The following EYS variants were observed in gnomAD, a reference collection of about 807,000 sequenced individuals.
EYS encodes the protein protein eyes shut homolog.
Under a neutral mutation model 282.1 loss-of-function variants are expected in EYS, and 250 were observed. The ratio of observed to expected loss-of-function variants is 0.89; its 90% CI spans 0.80 to 0.98. The LOEUF (loss-of-function observed/expected upper bound fraction) is 0.98. Among genes scored for constraint, EYS ranks in the 50% least tolerant of loss-of-function variants. The pLI, the probability that EYS is intolerant of heterozygous loss-of-function variation, is 0.00. For synonymous variants in EYS, 1,355 were observed against 1,282.9 expected, an observed-to-expected ratio of 1.06 and a Z score of -1.20; for missense variants, 4,016 against 3,709.0, an observed-to-expected ratio of 1.08 and a Z score of -2.15.
At chr6:64,315,095 C>T (rs1204954403) in intron 29 of EYS, among the ~76,000 whole-genome samples, 2 of 152,052 alleles carry the variant, frequency 1.3e-5, no homozygotes, top group Non-Finnish European at 2.9e-5. Flanking sequence ...AAGGGGATAT[C>T]ACCACCGATT....
intron 22 of EYS, among the ~76,000 whole-genome samples, chr6:64,775,531 A>T (rs983067760): frequency 6.6e-6 from 1 of 152,048 alleles, no homozygotes; most frequent in Non-Finnish European, 1.5e-5. Context: ...AAGATTAAAT[A>T]TAATCTAAGA....
chr6:65,017,231 G>T (rs548750461), intron 13 of EYS, among the ~76,000 whole-genome samples: 1 of 152,188 alleles, frequency 6.6e-6, no homozygotes, highest in South Asian at 2.1e-4. Flanking sequence ...TCTTATAGAT[G>T]CATTTTACAA....
chr6:65,076,836 T>A (rs1774069059), intron 12 of EYS, among the ~76,000 whole-genome samples: 1 of 151,942 alleles, frequency 6.6e-6, no homozygotes, highest in Non-Finnish European at 1.5e-5. Context: ...TAAATATGAA[T>A]AGCATGTATT....
chr6:64,137,794 T>C (rs968924239), intron 31 of EYS, among the ~76,000 whole-genome samples: 3 of 152,162 alleles, frequency 2.0e-5, no homozygotes, highest in Non-Finnish European at 4.4e-5. Context: ...CATATACTAA[T>C]ACTGGTAAAG....
chr6:64,790,229 G>A (rs1422953887), intron 22 of EYS, among the ~76,000 whole-genome samples: 5 of 151,884 alleles, frequency 3.3e-5, no homozygotes, highest in Non-Finnish European at 7.4e-5. Flanking sequence ...AGAGAATAAG[G>A]TCTTTAAATA....
intron 26 of EYS, among the ~76,000 whole-genome samples, chr6:64,502,329 C>G (rs6903238): frequency 0.019 from 2,962 of 152,184 alleles, 87 homozygotes; most frequent in African/African-American, 0.068. Flanking sequence ...CAAGCTCCGC[C>G]TCCGGGGTTC....
chr6:64,861,176 C>T (rs762324805), intron 19 of EYS, among the ~76,000 whole-genome samples: 18 of 152,194 alleles, frequency 1.2e-4, no homozygotes, highest in African/African-American at 2.4e-4. Flanking sequence ...CAGGCCAGTG[C>T]GGAACTGCCC....
At chr6:64,536,830 C>G (rs1252899806) in intron 26 of EYS, among the ~76,000 whole-genome samples, 3 of 150,888 alleles carry the variant, frequency 2.0e-5, no homozygotes, top group Non-Finnish European at 4.4e-5. Context: ...ATATTTATTT[C>G]TTTACATACA....
In EYS at chr6:63,762,445, T is replaced by G. The variant is rs2149655716; in HGVS notation, c.8071+16A>C. 1 of 1,546,712 alleles carries G rather than the reference T, an allele frequency of 6.5e-7. No homozygotes were observed. Among genetic ancestry groups the G allele is most frequent in the South Asian group, 1.2e-5 (1 of 83,046 alleles). ...TATATTTGTGGACAGCAAAATGATT[T>G]GAAATTCTGCCTCACCTTGTTCACA... On this transcript the variant is annotated intron_variant, in intron 41 of 42. Coordinates refer to ENST00000503581, the MANE Select transcript of EYS (RefSeq NM_001142800.2).
intron 22 of EYS, among the ~76,000 whole-genome samples, chr6:64,679,711 T>C (rs1456129655): frequency 6.6e-6 from 1 of 152,228 alleles, no homozygotes; most frequent in Non-Finnish European, 1.5e-5. Context: ...TTTTGGTTAT[T>C]TGCTGGAGAT....
chr6:64,687,511 A>C (rs1447831527), intron 22 of EYS, among the ~76,000 whole-genome samples: 2 of 152,068 alleles, frequency 1.3e-5, no homozygotes, highest in East Asian at 3.9e-4. Flanking sequence ...TATTTATATG[A>C]TGGATTACAT....
chr6:64,098,085 T>G (rs1345758391), intron 31 of EYS, among the ~76,000 whole-genome samples: 1 of 152,208 alleles, frequency 6.6e-6, no homozygotes, highest in African/African-American at 2.4e-5. Flanking sequence ...TAGTAAACAT[T>G]TTGTACAACA....
chr6:64,674,359 G>A (rs904237853), intron 22 of EYS, among the ~76,000 whole-genome samples: 1 of 151,658 alleles, frequency 6.6e-6, no homozygotes, highest in Non-Finnish European at 1.5e-5. Flanking sequence ...TTGGCAAAGT[G>A]TGTCCATTTT....
intron 29 of EYS, among the ~76,000 whole-genome samples, chr6:64,373,140 C>T (rs986980758): frequency 1.3e-5 from 2 of 152,168 alleles, no homozygotes; most frequent in Non-Finnish European, 2.9e-5. Flanking sequence ...GACACTCTGG[C>T]TTTTTGAGTT....
intron 31 of EYS, among the ~76,000 whole-genome samples, chr6:64,132,148 A>G (rs1352906034): frequency 2.0e-5 from 3 of 152,094 alleles, no homozygotes; most frequent in Admixed American, 6.6e-5. Flanking sequence ...TATGTTCTTG[A>G]AACTAGATGA....
intron 36 of EYS, among the ~76,000 whole-genome samples, chr6:63,834,096 C>T (rs1771729192): frequency 6.6e-6 from 1 of 152,122 alleles, no homozygotes; most frequent in Non-Finnish European, 1.5e-5. Context: ...AGACCTAAAG[C>T]CATAAAAACT....
chr6:64,459,336 A>G (rs965232237), intron 26 of EYS, among the ~76,000 whole-genome samples: 2 of 152,244 alleles, frequency 1.3e-5, no homozygotes, highest in African/African-American at 4.8e-5. Flanking sequence ...TTCTGCAGTT[A>G]AATGAGAGTA....
chr6:64,612,375 T>A (rs974333335), intron 24 of EYS, among the ~76,000 whole-genome samples: 5 of 152,124 alleles, frequency 3.3e-5, no homozygotes, highest in African/African-American at 1.2e-4. Context: ...AGAATTTCAT[T>A]TACTGAGGAA....
intron 15 of EYS, among the ~76,000 whole-genome samples, chr6:64,940,988 C>A (rs1346458514): frequency 6.6e-6 from 1 of 152,020 alleles, no homozygotes; most frequent in Non-Finnish European, 1.5e-5. Context: ...GTATGCAATT[C>A]ATCTGCTTCT....
Sources: gnomAD v4.1 joint callset for allele counts (sites outside exome capture counted in the v4.1 genomes callset) on GRCh38, gnomAD v4.1.1 for gene constraint, MANE v1.5 for transcripts, NCBI Gene and HGNC (gene_info 2026-07-23, HGNC 2026-07-21) for gene names.